The following SPATA18 variants were observed in gnomAD, a reference collection of about 807,000 sequenced individuals.
SPATA18 encodes the protein spermatogenesis associated 18.
Under a neutral mutation model 68.1 loss-of-function variants are expected in SPATA18, and 54 were observed. That is an observed-to-expected ratio of 0.79 (90% CI 0.64 to 0.99). The LOEUF is 0.99. Ranked by LOEUF, SPATA18 falls within the 50% of genes least tolerant of loss-of-function variation. The pLI is 0.00. For missense variants in SPATA18, 724 were observed against 681.1 expected (o/e 1.06, Z -0.70); for synonymous variants, 242 against 244.8 (o/e 0.99, Z 0.11).
chr4:52,094,545 C>A lies in SPATA18; in HGVS notation c.1582C>A (p.Pro528Thr). 1 of 1,613,586 alleles carries A rather than the reference C, an allele frequency of 6.2e-7. No homozygotes were observed. ...GLNTMSRSRS[P>T]SPIRCGLPRF ...TTTCCAGATGTCTCGAAGTCGGAGT[C>A]CTTCTCCAATAAGATGTGGATTGCC... Residue 528 changes from proline (P) to threonine (T), a missense_variant, in exon 12 of 13, where the codon CCT becomes ACT. Coordinates refer to ENST00000295213, the MANE Select transcript of SPATA18 (RefSeq NM_145263.4).
intron 10 of SPATA18, among the ~76,000 whole-genome samples, chr4:52,084,668 G>C (rs1267457729): frequency 6.6e-6 from 1 of 152,066 alleles, no homozygotes; most frequent in Non-Finnish European, 1.5e-5. Flanking sequence ...CATTCTACTG[G>C]CATCAAACAC....
rs576945786 is a variant in SPATA18 at position 52,071,208 on chromosome 4, T to C, written c.519-709T>C. ...AATCTTACTAACTTTCTTATCTTCT[T>C]AATCTTACCTTTTCATTTTACACCC... On this transcript the variant is annotated intron_variant, in intron 5 of 12. Coordinates refer to ENST00000295213, the MANE Select transcript of SPATA18 (RefSeq NM_145263.4). Among the ~76,000 whole-genome samples the C allele has an allele frequency of 3.3e-4, 51 of 152,336 alleles. 1 individual carries two copies. The South Asian group carries it at 0.01, about 31-fold the overall frequency.
chr4:52,080,581 T>A (rs1417632427), intron 9 of SPATA18, among the ~76,000 whole-genome samples: 1 of 152,188 alleles, frequency 6.6e-6, no homozygotes. Flanking sequence ...ATCAAGCTAG[T>A]GGTTAAGAAC....
intron 10 of SPATA18, 73 bp from the exon 11 acceptor site, chr4:52,084,843 G>A: frequency 1.5e-6 from 2 of 1,375,570 alleles, no homozygotes; most frequent in Non-Finnish European, 2.1e-6. Context: ...TGTGGGATAT[G>A]CATGTTGTTT....
intron 6 of SPATA18, among the ~76,000 whole-genome samples, chr4:52,074,377 C>A (rs1299874344): frequency 6.6e-6 from 1 of 152,128 alleles, no homozygotes. Flanking sequence ...GGAAAGGGGC[C>A]TCATGACAGT....
Position 52,051,395 on chromosome 4 carries a change from C to T in SPATA18, c.-310C>T, listed in dbSNP as rs1227983965. 8 of 289,088 alleles carry T rather than the reference C, an allele frequency of 2.8e-5. No individual in the cohort carries two copies. In the East Asian group the frequency reaches 4.6e-4, roughly 16 times the overall value. The allele number at this position is 289,088 out of a possible 1,614,324, so 17.9% of individuals were successfully genotyped here. The stretch of plus-strand genomic sequence containing the variant: ...CCGCGCGCGTCCCTGGCAGCCAACC[C>T]GTCCACGTCAAGGTTTGTTTAATAA... On this transcript the variant is annotated 5_prime_UTR_variant, in exon 1 of 13. Coordinates refer to ENST00000295213, the MANE Select transcript of SPATA18 (RefSeq NM_145263.4).
chr4:52,082,344 T>A (rs748016503), intron 9 of SPATA18, 43 bp from the exon 10 acceptor site: 34 of 1,580,114 alleles, frequency 2.2e-5, no homozygotes, highest in Non-Finnish European at 3.0e-5. Flanking sequence ...ATATGCTCCA[T>A]AATTGCTTAA....
At position 52,051,637 on chromosome 4, in the gene SPATA18, G is replaced by A; in HGVS notation, c.-68G>A. 2 of 1,470,146 alleles carry A rather than the reference G, an allele frequency of 1.4e-6. No homozygotes were observed. The highest frequency in any genetic ancestry group is 1.9e-6 in the Non-Finnish European group (2 of 1,049,130). The allele number at this position is 1,470,146 out of a possible 1,614,324, so 91.1% of individuals were successfully genotyped here. On this transcript the variant is annotated 5_prime_UTR_variant, in exon 1 of 13. Transcript: ENST00000295213. ...TCCCGCCATATCACCCCACGGTCCT[G>A]CGGAGGCCACCGCCTGGTCCCCCCA...
intron 1 of SPATA18, among the ~76,000 whole-genome samples, chr4:52,058,715 A>C (rs1008031854): frequency 3.9e-5 from 6 of 152,140 alleles, no homozygotes; most frequent in African/African-American, 1.4e-4. Context: ...TGCATCATCC[A>C]GTCCTCCATG....
At position 52,060,912 on chromosome 4, in the gene SPATA18, G is replaced by A. The variant is rs768273997; in HGVS notation, c.309+15G>A. On this transcript the variant is annotated intron_variant, in intron 3 of 12. Transcript: ENST00000295213. ...CCTCTCTGCAGGTAGGGATGCTGAA[G>A]GATAACCCTTGACTTTCTGAACAGT... 1.9e-6 allele frequency: 3 copies of A among 1,594,432 alleles called. No individual in the cohort carries two copies. The highest frequency in any genetic ancestry group is 1.7e-5 in the Admixed American group (1 of 59,786).
chr4:52,070,512 C>T (rs1285911678), intron 5 of SPATA18, among the ~76,000 whole-genome samples: 1 of 137,980 alleles, frequency 7.2e-6, no homozygotes, highest in Non-Finnish European at 1.5e-5. Context: ...CTGAGGGGAA[C>T]ATCACACTCT....
In SPATA18 at chr4:52,096,867, G is replaced by C. The variant is rs28650923; in HGVS notation, c.*1980G>C. The stretch of plus-strand genomic sequence containing the variant: ...ATGCAACAGTTACTGTGTGTTATAC[G>C]TTGAAAGGTCTTCACTAATATCTCA... On this transcript the variant is annotated 3_prime_UTR_variant, in exon 13 of 13. Coordinates refer to ENST00000295213, the MANE Select transcript of SPATA18 (RefSeq NM_145263.4). 6.6e-6 allele frequency: 1 copy of C among 152,048 alleles called. No individual in the cohort carries two copies. Among genetic ancestry groups the C allele is most frequent in the South Asian group, 2.1e-4 (1 of 4,824 alleles). The allele number at this position is 152,048 out of a possible 1,614,324, so 9.4% of individuals were successfully genotyped here.
At chr4:52,078,551 T>A in intron 7 of SPATA18, 184 bp from the exon 8 acceptor site, 1 of 478,834 alleles carries the variant, frequency 2.1e-6, no homozygotes, top group Non-Finnish European at 3.7e-6. Flanking sequence ...GATTATTATA[T>A]GTTTATGTAC....
At chr4:52,073,196 G>A (rs549534188) in intron 6 of SPATA18, among the ~76,000 whole-genome samples, 5 of 152,240 alleles carry the variant, frequency 3.3e-5, no homozygotes, top group African/African-American at 1.2e-4. Context: ...TTGACATGGT[G>A]GTAGTATTTA....
At position 52,051,482 on chromosome 4, in the gene SPATA18, C is replaced by A. The variant is rs1737860913; in HGVS notation, c.-223C>A. 2 of 546,090 alleles carry A rather than the reference C, an allele frequency of 3.7e-6. No individual in the cohort carries two copies. The highest frequency in any genetic ancestry group is 6.5e-6 in the Non-Finnish European group (2 of 306,576). 33.8% of individuals were successfully genotyped at this position (546,090 alleles called of 1,614,324 possible). On this transcript the variant is annotated 5_prime_UTR_variant, in exon 1 of 13. Coordinates refer to ENST00000295213, the MANE Select transcript of SPATA18 (RefSeq NM_145263.4). ...TGGGGAGCCAGGAGACCGCGCGGGA[C>A]GGCGGATGAGGCGCGGCGGCTGCGG...
chr4:52,083,610 T>G, intron 10 of SPATA18: 3 of 383,058 alleles, frequency 7.8e-6, no homozygotes, highest in Non-Finnish European at 1.1e-5. Context: ...CTGGGCATCG[T>G]GGTGCATACC....
chr4:52,058,991 G>T (rs1378242000), intron 1 of SPATA18, among the ~76,000 whole-genome samples: 1 of 152,162 alleles, frequency 6.6e-6, no homozygotes, highest in Non-Finnish European at 1.5e-5. Flanking sequence ...TGGCATATAG[G>T]AGAGATATAA....
intron 8 of SPATA18, among the ~76,000 whole-genome samples, chr4:52,079,286 T>G (rs1015033868): frequency 6.6e-6 from 1 of 152,192 alleles, no homozygotes; most frequent in African/African-American, 2.4e-5. Context: ...ACACTGTTCA[T>G]TACTCCATAG....
chr4:52,082,336 A>G lies in SPATA18; in HGVS notation c.1356-51A>G, dbSNP rs367778724. 3.3e-5 allele frequency: 51 copies of G among 1,534,340 alleles called. No homozygotes were observed. In the African/African-American group the frequency reaches 6.7e-4, roughly 20 times the overall value. The stretch of plus-strand genomic sequence containing the variant: ...TTCACACTGATGTTTTCCCCTAGAT[A>G]TGCTCCATAATTGCTTAACTTCTCT... On this transcript the variant is annotated intron_variant, in intron 9 of 12. Transcript: ENST00000295213.
Sources: gnomAD v4.1 joint callset for allele counts (sites outside exome capture counted in the v4.1 genomes callset) on GRCh38, gnomAD v4.1.1 for gene constraint, MANE v1.5 for transcripts, NCBI Gene and HGNC (gene_info 2026-07-23, HGNC 2026-07-21) for gene names.